The following BLOC1S6 variants were observed in gnomAD, a reference collection of about 807,000 sequenced individuals.
BLOC1S6 encodes the protein biogenesis of lysosome-related organelles complex 1 subunit 6.
A neutral mutation model predicts 24.7 loss-of-function variants in BLOC1S6; 24 were observed. The ratio of observed to expected loss-of-function variants is 0.97; its 90% CI spans 0.70 to 1.37. The LOEUF (loss-of-function observed/expected upper bound fraction) is 1.37, where lower values mean the gene tolerates loss of function less well. Ranked by LOEUF, BLOC1S6 falls within the 40% of genes most tolerant of loss-of-function variation. BLOC1S6 has a pLI of 0.00. For missense variants in BLOC1S6, 175 were observed against 196.2 expected (o/e 0.89, Z 0.64); for synonymous variants, 76 against 72.6 (o/e 1.05, Z -0.23).
At chr15:45,592,627 C>T (rs1893926975) in intron 2 of BLOC1S6, among the ~76,000 whole-genome samples, 1 of 152,132 alleles carries the variant, frequency 6.6e-6, no homozygotes, top group South Asian at 2.1e-4. Context: ...AAATTGCCTC[C>T]ATAAAAGTCA....
chr15:45,590,995 A>T (rs1013496529), intron 1 of BLOC1S6, among the ~76,000 whole-genome samples: 2 of 152,182 alleles, frequency 1.3e-5, no homozygotes, highest in South Asian at 2.1e-4. Context: ...TTTTCTTGGT[A>T]GGAATGGTGA....
intron 2 of BLOC1S6, chr15:45,602,371 T>C: frequency 1.5e-6 from 1 of 688,902 alleles, no homozygotes; most frequent in Non-Finnish European, 2.6e-6. Context: ...CTTTAAAATA[T>C]TCAGGTAGGT....
At position 45,587,406 on chromosome 15, in the gene BLOC1S6, C is replaced by T. The variant is rs1328196145; in HGVS notation, c.-38C>T. On this transcript the variant is annotated 5_prime_UTR_variant, in exon 1 of 5. Coordinates refer to ENST00000220531, the MANE Select transcript of BLOC1S6 (RefSeq NM_012388.4). ...GTGCCGCCTTGCTTCTGACGAGCCA[C>T]ACGTTTGCTTCTTCCCTGTGTTCCC... The T allele has an allele frequency of 6.5e-7, 1 of 1,541,350 alleles. No individual in the cohort carries two copies. The highest frequency in any genetic ancestry group is 8.8e-7 in the Non-Finnish European group (1 of 1,135,938).
At chr15:45,603,252 A>AT in intron 3 of BLOC1S6, 65 bp downstream of exon 3, 11 of 988,152 alleles carry the variant, frequency 1.1e-5, no homozygotes, top group African/African-American at 2.9e-5. Context: ...AGACTTAGCT[A>AT]AGCAATAGCT....
rs1595561141 is a variant in BLOC1S6 at position 45,606,609 on chromosome 15, T to C, written c.*95T>C. ...GTTGAGGTAGTGCCTTATGCCATTA[T>C]GTCATATGTTGAAATCCTTATTCCG... On this transcript the variant is annotated 3_prime_UTR_variant, in exon 5 of 5. Coordinates refer to ENST00000220531, the MANE Select transcript of BLOC1S6 (RefSeq NM_012388.4). 5 of 1,541,788 alleles carry C rather than the reference T, an allele frequency of 3.2e-6. No homozygotes were observed. In the South Asian group the frequency reaches 5.6e-5, roughly 17 times the overall value.
At chr15:45,597,513 G>C (rs1566901947) in intron 2 of BLOC1S6, among the ~76,000 whole-genome samples, 1 of 152,006 alleles carries the variant, frequency 6.6e-6, no homozygotes, top group Non-Finnish European at 1.5e-5. Context: ...TGTGTACTTG[G>C]AGTATCTCTC....
intron 1 of BLOC1S6, 110 bp from the exon 2 acceptor site, chr15:45,592,025 A>C: frequency 1.6e-6 from 2 of 1,281,052 alleles, no homozygotes; most frequent in Non-Finnish European, 2.2e-6. Context: ...AATTGATCAC[A>C]ACCAGTTACA....
intron 2 of BLOC1S6, chr15:45,602,417 C>T (rs1894303319): frequency 1.6e-6 from 1 of 636,124 alleles, no homozygotes; most frequent in Non-Finnish European, 2.8e-6. Flanking sequence ...GTGATCCTAA[C>T]ATTGATTGAT....
At chr15:45,593,522 A>G (rs1431822628) in intron 2 of BLOC1S6, among the ~76,000 whole-genome samples, 1 of 151,998 alleles carries the variant, frequency 6.6e-6, no homozygotes, top group African/African-American at 2.4e-5. Flanking sequence ...AGCGCGCGAT[A>G]TACCTTATAT....
Position 45,592,117 on chromosome 15 carries a change from G to A in BLOC1S6, c.83-18G>A. On this transcript the variant is annotated intron_variant, in intron 1 of 4. Coordinates refer to ENST00000220531, the MANE Select transcript of BLOC1S6 (RefSeq NM_012388.4). ...AAATAAATAAAAGGTTCCTAAATTT[G>A]ATTTTTGCTGGGGACAGGTTTAAGT... 6.2e-7 allele frequency: 1 copy of A among 1,613,584 alleles called. No homozygotes were observed. The highest frequency in any genetic ancestry group is 8.5e-7 in the Non-Finnish European group (1 of 1,179,876).
At chr15:45,600,282 G>A (rs1894226754) in intron 2 of BLOC1S6, among the ~76,000 whole-genome samples, 1 of 151,442 alleles carries the variant, frequency 6.6e-6, no homozygotes, top group African/African-American at 2.4e-5. Context: ...GTATACATAC[G>A]TAACTAACCT....
intron 2 of BLOC1S6, among the ~76,000 whole-genome samples, chr15:45,595,964 C>T (rs546532385): frequency 1.3e-5 from 2 of 152,196 alleles, no homozygotes; most frequent in Non-Finnish European, 2.9e-5. Context: ...TGCACCACCA[C>T]GCCTGTCTAA....
intron 1 of BLOC1S6, among the ~76,000 whole-genome samples, chr15:45,590,358 G>T (rs1487368905): frequency 6.7e-6 from 1 of 149,940 alleles, no homozygotes; most frequent in African/African-American, 2.4e-5. Flanking sequence ...ATTTTATTTT[G>T]ATTTTCAAAA....
chr15:45,592,077 C>T, intron 1 of BLOC1S6, 58 bp from the exon 2 acceptor site: 1 of 1,584,790 alleles, frequency 6.3e-7, no homozygotes, highest in Admixed American at 1.7e-5. Context: ...TTCAGTTGAC[C>T]AGCCTAAAAA....
intron 4 of BLOC1S6, among the ~76,000 whole-genome samples, chr15:45,606,014 G>A (rs545634249): frequency 4.9e-4 from 75 of 152,174 alleles, no homozygotes; most frequent in African/African-American, 1.7e-3. Flanking sequence ...CTACGTTTCC[G>A]AGGCTGGTCT....
Position 45,606,615 on chromosome 15 carries a change from A to G in BLOC1S6, c.*101A>G. On this transcript the variant is annotated 3_prime_UTR_variant, in exon 5 of 5. Transcript: ENST00000220531. ...GTAGTGCCTTATGCCATTATGTCATATGTTGAAATCCTTATTCCGGTATTA... is the reference window on the plus strand; with the variant it reads ...GTAGTGCCTTATGCCATTATGTCATGTGTTGAAATCCTTATTCCGGTATTA... 2.6e-6 allele frequency: 4 copies of G among 1,521,854 alleles called. No homozygotes were observed. The highest frequency in any genetic ancestry group is 3.6e-6 in the Non-Finnish European group (4 of 1,098,334). The allele number at this position is 1,521,854 out of a possible 1,614,324, so 94.3% of individuals were successfully genotyped here. A position where few individuals can be genotyped will look rare whatever the true frequency, so the allele number is the denominator to read the frequency against.
At chr15:45,590,552 C>T (rs1162357580) in intron 1 of BLOC1S6, among the ~76,000 whole-genome samples, 1 of 151,864 alleles carries the variant, frequency 6.6e-6, no homozygotes, top group Non-Finnish European at 1.5e-5. Context: ...AGCTTACAGG[C>T]ATACAACACT....
rs369960522 is a variant in BLOC1S6 at position 45,592,202 on chromosome 15, G to C, written c.150G>C (p.Glu50Asp). 1 of 1,614,030 alleles carries C rather than the reference G, an allele frequency of 6.2e-7. No homozygotes were observed. The highest frequency in any genetic ancestry group is 8.5e-7 in the Non-Finnish European group (1 of 1,180,040). ...EDLTIEDKAV[E>D]QLAEGLLSHY... is the part of the protein sequence containing the mutation. ...TGACTATAGAAGACAAAGCAGTGGA[G>C]CAACTGGCAGAAGGATTGCTTTCTC... is the stretch of plus-strand genomic sequence containing the variant. The change falls in exon 2 of 5, where the codon GAG (glutamate) becomes GAC (aspartate). Residue 50 changes from glutamate (E) to aspartate (D), a missense_variant. Coordinates refer to ENST00000220531, the MANE Select transcript of BLOC1S6 (RefSeq NM_012388.4).
At chr15:45,606,157 C>T (rs190019532) in intron 4 of BLOC1S6, among the ~76,000 whole-genome samples, 139 of 152,182 alleles carry the variant, frequency 9.1e-4, no homozygotes, top group African/African-American at 3.2e-3. Flanking sequence ...TTACTAATAG[C>T]TGGGCTGATA....
Sources: gnomAD v4.1 joint callset for allele counts (sites outside exome capture counted in the v4.1 genomes callset) on GRCh38, gnomAD v4.1.1 for gene constraint, MANE v1.5 for transcripts, NCBI Gene and HGNC (gene_info 2026-07-23, HGNC 2026-07-21) for gene names.